CCDC126: variants seen among roughly 807,000 people sequenced by gnomAD.
CCDC126 encodes coiled-coil domain-containing protein 126.
CCDC126 carries 5 observed loss-of-function variants against 11.7 expected under a neutral mutation model. The ratio of observed to expected loss-of-function variants is 0.43; its 90% CI spans 0.22 to 0.90. The LOEUF (loss-of-function observed/expected upper bound fraction) is 0.90. Ranked by LOEUF, CCDC126 falls within the 40% of genes least tolerant of loss-of-function variation. CCDC126 has a pLI of 0.27. For missense variants in CCDC126, 150 were observed against 163.1 expected, an observed-to-expected ratio of 0.92 and a Z score of 0.44; for synonymous variants, 60 against 61.9, an observed-to-expected ratio of 0.97 and a Z score of 0.14.
chr7:23,607,766 G>A (rs1782645087), intron 2 of CCDC126, among the ~76,000 whole-genome samples: 1 of 152,150 alleles, frequency 6.6e-6, no homozygotes, highest in Non-Finnish European at 1.5e-5. Context: ...TAACGACTCA[G>A]GTTCCAGCAG....
At chr7:23,613,775 C>T (rs767842631) in intron 3 of CCDC126, among the ~76,000 whole-genome samples, 1 of 152,170 alleles carries the variant, frequency 6.6e-6, no homozygotes, top group Non-Finnish European at 1.5e-5. Flanking sequence ...CCAAACCACA[C>T]AATAAAGTGA....
chr7:23,620,696 G>T (rs1165992207), intron 3 of CCDC126, among the ~76,000 whole-genome samples: 3 of 152,132 alleles, frequency 2.0e-5, no homozygotes, highest in Admixed American at 6.5e-5. Context: ...TTCTTCTAGG[G>T]TTTTTATGGT....
intron 2 of CCDC126, among the ~76,000 whole-genome samples, chr7:23,607,487 T>C (rs1782641477): frequency 6.6e-6 from 1 of 152,216 alleles, no homozygotes; most frequent in Non-Finnish European, 1.5e-5. Flanking sequence ...CTTTTTTTTC[T>C]TTCCTAAGGA....
intron 3 of CCDC126, among the ~76,000 whole-genome samples, chr7:23,642,566 C>T (rs903467688): frequency 3.3e-5 from 5 of 152,074 alleles, no homozygotes; most frequent in Admixed American, 2.6e-4. Context: ...AGTTCAAGAG[C>T]AGCCCGGCCA....
chr7:23,625,576 CAT>C (rs1256246386), intron 3 of CCDC126, among the ~76,000 whole-genome samples: 2 of 150,124 alleles, frequency 1.3e-5, no homozygotes, highest in East Asian at 3.9e-4. Flanking sequence ...ATTTCTTGTA[CAT>C]ATGAGAATGT....
chr7:23,614,878 C>G (rs1782771737), intron 3 of CCDC126, among the ~76,000 whole-genome samples: 1 of 152,204 alleles, frequency 6.6e-6, no homozygotes, highest in African/African-American at 2.4e-5. Flanking sequence ...TGTTGTCACC[C>G]AGGCTTTCTT....
At chr7:23,640,263 C>T (rs892654908) in intron 3 of CCDC126, among the ~76,000 whole-genome samples, 13 of 151,530 alleles carry the variant, frequency 8.6e-5, no homozygotes, top group Non-Finnish European at 1.8e-4. Context: ...TTTGGGAGGC[C>T]GAGGCAGGCA....
chr7:23,638,729 A>AAAAAAAAAAAAAAAAAAAAAAAAAT (rs1783292921), intron 3 of CCDC126, among the ~76,000 whole-genome samples: 1 of 36,456 alleles, frequency 2.7e-5, no homozygotes, highest in African/African-American at 1.7e-4. Flanking sequence ...AAAAAAATTA[A>AAAAAAAAAAAAAAAAAAAAAAAAAT]AAAAAAAAAA....
At chr7:23,606,439 G>A (rs970056984) in intron 2 of CCDC126, among the ~76,000 whole-genome samples, 1 of 152,090 alleles carries the variant, frequency 6.6e-6, no homozygotes, top group South Asian at 2.1e-4. Flanking sequence ...TTCGAATTAT[G>A]AGTTTTGTTT....
chr7:23,606,226 T>A (rs1031823829), intron 2 of CCDC126, among the ~76,000 whole-genome samples: 1 of 151,874 alleles, frequency 6.6e-6, no homozygotes, highest in Non-Finnish European at 1.5e-5. Flanking sequence ...ACCCAGCTAA[T>A]TTTTTGTATT....
chr7:23,627,567 C>T (rs922216028), intron 3 of CCDC126, among the ~76,000 whole-genome samples: 4 of 140,016 alleles, frequency 2.9e-5, no homozygotes, highest in African/African-American at 1.1e-4. Context: ...GACTCTGTCT[C>T]AGAAAAAAAA....
intron 3 of CCDC126, among the ~76,000 whole-genome samples, chr7:23,638,708 T>C (rs1584220439): frequency 8.7e-5 from 3 of 34,390 alleles, no homozygotes; most frequent in African/African-American, 3.9e-4. Context: ...CCAAGAATGA[T>C]CAATAAAAAA....
At chr7:23,637,772 A>G (rs1208042510) in intron 3 of CCDC126, among the ~76,000 whole-genome samples, 1 of 66,850 alleles carries the variant, frequency 1.5e-5, no homozygotes, top group Non-Finnish European at 3.2e-5. Context: ...CTGCCCGGCC[A>G]GCCGCCCAGT....
At chr7:23,624,559 A>G (rs1300393556) in intron 3 of CCDC126, among the ~76,000 whole-genome samples, 2 of 152,156 alleles carry the variant, frequency 1.3e-5, no homozygotes, top group Non-Finnish European at 2.9e-5. Flanking sequence ...TGTCATAACT[A>G]TTTTCAGTTT....
At chr7:23,633,856 C>CA (rs914416185) in intron 3 of CCDC126, among the ~76,000 whole-genome samples, 18 of 150,524 alleles carry the variant, frequency 1.2e-4, no homozygotes, top group African/African-American at 2.7e-4. Flanking sequence ...ACCCTGTATC[C>CA]AAAAAAAAGA....
intron 2 of CCDC126, 151 bp downstream of exon 2, chr7:23,598,202 C>T (rs1003590868): frequency 1.3e-5 from 2 of 152,220 alleles, no homozygotes; most frequent in Non-Finnish European, 2.9e-5. Context: ...TGAGTTTTCT[C>T]ATCCATCAAA....
At chr7:23,642,659 A>C (rs1265565517) in intron 3 of CCDC126, among the ~76,000 whole-genome samples, 5 of 151,600 alleles carry the variant, frequency 3.3e-5, no homozygotes, top group Non-Finnish European at 7.4e-5. Context: ...GCTAATCAGG[A>C]GGCTGAGGCA....
At chr7:23,627,228 G>C (rs988520608) in intron 3 of CCDC126, among the ~76,000 whole-genome samples, 1 of 152,094 alleles carries the variant, frequency 6.6e-6, no homozygotes, top group African/African-American at 2.4e-5. Context: ...ATAAAAAATA[G>C]ATGCCAGCCA....
chr7:23,630,108 TA>T (rs1429869160), intron 3 of CCDC126, among the ~76,000 whole-genome samples: 1 of 152,192 alleles, frequency 6.6e-6, no homozygotes, highest in East Asian at 1.9e-4. Flanking sequence ...AATTTGTACA[TA>T]AAAAGTTTAC....
Sources: allele counts gnomAD v4.1 joint callset (sites outside exome capture counted in the v4.1 genomes callset), GRCh38; gene constraint gnomAD v4.1.1; transcripts MANE v1.5; gene names NCBI Gene and HGNC (gene_info 2026-07-23, HGNC 2026-07-21).